CRACD: variants seen among roughly 807,000 people sequenced by gnomAD.
CRACD encodes capping protein-inhibiting regulator of actin dynamics.
In CRACD, 56 loss-of-function variants were observed where a neutral mutation model predicts 106.8. The ratio of observed to expected loss-of-function variants is 0.52; its 90% CI spans 0.42 to 0.66. The LOEUF (loss-of-function observed/expected upper bound fraction) is 0.66. Among genes scored for constraint, CRACD ranks in the 30% least tolerant of loss-of-function variants. The pLI is 0.00. For missense variants in CRACD, 1,730 were observed against 1,623.2 expected (o/e 1.07, Z -1.13); for synonymous variants, 754 against 670.8 (o/e 1.12, Z -1.92).
intron 2 of CRACD, among the ~76,000 whole-genome samples, chr4:56,206,164 G>T (rs1338794512): frequency 6.6e-6 from 1 of 152,228 alleles, no homozygotes; most frequent in African/African-American, 2.4e-5. Flanking sequence ...CGTTTTCCCT[G>T]TTAGGCTGTA....
intron 1 of CRACD, among the ~76,000 whole-genome samples, chr4:56,117,017 ATTTT>A (rs751420774): frequency 2.1e-5 from 2 of 96,256 alleles, no homozygotes. Flanking sequence ...CGAATTTTTA[ATTTT>A]TTTTTTTTTT....
At chr4:56,117,826 C>T (rs780522848) in intron 1 of CRACD, among the ~76,000 whole-genome samples, 4 of 151,494 alleles carry the variant, frequency 2.6e-5, no homozygotes, top group Non-Finnish European at 4.4e-5. Context: ...GGTGTGATCT[C>T]GGCTCACTGC....
intron 1 of CRACD, among the ~76,000 whole-genome samples, chr4:56,093,674 C>T (rs993550960): frequency 6.6e-6 from 1 of 152,156 alleles, no homozygotes; most frequent in Non-Finnish European, 1.5e-5. Context: ...CAATGTGATG[C>T]CTTATCTTCT....
chr4:56,157,639 T>C (rs1488055844), intron 1 of CRACD, among the ~76,000 whole-genome samples: 1 of 152,238 alleles, frequency 6.6e-6, no homozygotes, highest in Non-Finnish European at 1.5e-5. Context: ...CTATGCTATT[T>C]TTTTTAAGTC....
intron 2 of CRACD, among the ~76,000 whole-genome samples, chr4:56,242,531 T>C (rs185731799): frequency 6.6e-6 from 1 of 152,086 alleles, no homozygotes; most frequent in Admixed American, 6.5e-5. Context: ...GACTGAACAG[T>C]GGTGCAGGAA....
intron 2 of CRACD, among the ~76,000 whole-genome samples, chr4:56,223,851 T>C (rs1022100147): frequency 6.6e-6 from 1 of 152,186 alleles, no homozygotes; most frequent in Non-Finnish European, 1.5e-5. Context: ...CTCGAACTTA[T>C]GGGCTCAAGT....
chr4:56,124,182 C>T (rs1734583913), intron 1 of CRACD, among the ~76,000 whole-genome samples: 1 of 152,218 alleles, frequency 6.6e-6, no homozygotes, highest in South Asian at 2.1e-4. Context: ...AGGTAATCCA[C>T]CTGCCTCAGC....
At chr4:56,064,860 C>T (rs550105567) in intron 1 of CRACD, among the ~76,000 whole-genome samples, 1 of 152,096 alleles carries the variant, frequency 6.6e-6, no homozygotes, top group Non-Finnish European at 1.5e-5. Flanking sequence ...CCCACAGCCC[C>T]CAAAATACAG....
At chr4:56,182,617 C>T (rs1229208023) in intron 2 of CRACD, among the ~76,000 whole-genome samples, 4 of 152,066 alleles carry the variant, frequency 2.6e-5, no homozygotes, top group Non-Finnish European at 4.4e-5. Context: ...AGGAGTTGCA[C>T]ACATACGACG....
At chr4:56,172,920 C>A (rs1439876098) in intron 1 of CRACD, among the ~76,000 whole-genome samples, 2 of 152,126 alleles carry the variant, frequency 1.3e-5, no homozygotes, top group African/African-American at 4.8e-5. Context: ...TGTGCCTGGC[C>A]TAATTTTGTA....
In CRACD at chr4:56,315,443, G is replaced by C. The variant is rs779759747; in HGVS notation, c.1941G>C (p.Ala647=). ...NPPRGPGDAR[A]GSGKAKPRQE... ...CCCGAGGCCCCGGCGACGCGAGGGC[G>C]GGCAGCGGGAAGGCTAAGCCCCGCC... Residue 647 remains alanine, a synonymous_variant, in exon 8 of 11, where the codon GCG becomes GCC. Coordinates refer to ENST00000682029, the MANE Select transcript of CRACD (RefSeq NM_001393381.1). The surrounding 1 kb of genome is among the most constrained non-coding windows in gnomAD (Gnocchi z 4.1). 2.5e-6 allele frequency: 4 copies of C among 1,612,828 alleles called. No individual in the cohort carries two copies. The highest frequency in any genetic ancestry group is 3.3e-4 in the Middle Eastern group (2 of 6,058).
At chr4:56,172,724 A>G (rs1736424579) in intron 1 of CRACD, among the ~76,000 whole-genome samples, 1 of 152,076 alleles carries the variant, frequency 6.6e-6, no homozygotes, top group African/African-American at 2.4e-5. Flanking sequence ...CCTGGGTTCA[A>G]GCGATTCTCT....
chr4:56,246,418 C>T (rs1360188618), intron 2 of CRACD: 2 of 152,112 alleles, frequency 1.3e-5, no homozygotes, highest in African/African-American at 2.4e-5. Context: ...CAGTTGAGCT[C>T]CTTCACACAG....
intron 1 of CRACD, among the ~76,000 whole-genome samples, chr4:56,059,025 T>C (rs1286424326): frequency 2.0e-5 from 3 of 152,206 alleles, no homozygotes; most frequent in Admixed American, 2.0e-4. Context: ...TTTTTTTTTG[T>C]CTGTTACAAA....
chr4:56,106,834 G>A (rs776630102), intron 1 of CRACD, among the ~76,000 whole-genome samples: 3 of 152,142 alleles, frequency 2.0e-5, no homozygotes, highest in Non-Finnish European at 4.4e-5. Flanking sequence ...AGCACACGGC[G>A]TACTGAAAGC....
At chr4:56,110,102 G>A (rs1734069067) in intron 1 of CRACD, among the ~76,000 whole-genome samples, 1 of 152,086 alleles carries the variant, frequency 6.6e-6, no homozygotes, top group Non-Finnish European at 1.5e-5. Flanking sequence ...AAAAAAAGGG[G>A]CAAATCAGGT....
At chr4:56,093,712 A>G (rs1733502927) in intron 1 of CRACD, among the ~76,000 whole-genome samples, 1 of 152,252 alleles carries the variant, frequency 6.6e-6, no homozygotes, top group Non-Finnish European at 1.5e-5. Context: ...TTGTTCTACA[A>G]AAGTGACAAT....
chr4:56,288,790 GCATT>G (rs1442677364), intron 3 of CRACD, among the ~76,000 whole-genome samples: 1 of 152,172 alleles, frequency 6.6e-6, no homozygotes, highest in Non-Finnish European at 1.5e-5. Context: ...TCATAAGGCT[GCATT>G]CCTGTATTTT....
In CRACD at chr4:56,054,622, G is replaced by A. The variant is rs2412727; in HGVS notation, c.-336+5323G>A. ...TATGATTTTCACACATATATGAGAAGTACCAGATTATAAACTCTTCTCTAA... is the reference window on the plus strand; with the variant it reads ...TATGATTTTCACACATATATGAGAAATACCAGATTATAAACTCTTCTCTAA... On this transcript the variant is annotated intron_variant, in intron 1 of 10. Transcript: ENST00000682029. Among the ~76,000 whole-genome samples the A allele has an allele frequency of 2.0e-3, 300 of 152,258 alleles. 4 individuals carry two copies. The East Asian group carries it at 0.052, about 27-fold the overall frequency.
Sources: gnomAD v4.1 joint callset for allele counts (sites outside exome capture counted in the v4.1 genomes callset) on GRCh38, gnomAD v4.1.1 for gene constraint, Gnocchi (gnomAD v3.1) non-coding constraint, MANE v1.5 for transcripts, NCBI Gene and HGNC (gene_info 2026-07-23, HGNC 2026-07-21) for gene names.